Variants in ARPC1A observed in about 807,000 individuals in gnomAD.
The protein encoded by ARPC1A is actin related protein 2/3 complex subunit 1A, also known as actin-related protein 2/3 complex subunit 1A.
Under a neutral mutation model 46.9 loss-of-function variants are expected in ARPC1A, and 8 were observed. The observed-to-expected ratio is 0.17, with a 90% CI of 0.10 to 0.31. ARPC1A has a LOEUF of 0.31. ARPC1A is among the 10% of genes least tolerant of loss of function. The pLI is 1.00. For missense variants in ARPC1A, 286 were observed against 483.6 expected (o/e 0.59, Z 3.83); for synonymous variants, 152 against 169.0 (o/e 0.90, Z 0.78).
chr7:99,358,283 C>A (rs1289554778), intron 6 of ARPC1A, 57 bp from the exon 7 acceptor site: 2 of 1,537,158 alleles, frequency 1.3e-6, no homozygotes, highest in South Asian at 1.1e-5. Flanking sequence ...TCATCTGTGT[C>A]TGTAAAGAAG....
intron 5 of ARPC1A, among the ~76,000 whole-genome samples, chr7:99,350,760 C>T (rs1232119896): frequency 6.6e-6 from 1 of 151,020 alleles, no homozygotes; most frequent in Non-Finnish European, 1.5e-5. Context: ...ATCCTCCCAC[C>T]TCAGTCTCCT....
At chr7:99,338,057 A>G (rs2150861933) in intron 2 of ARPC1A, 124 bp from the exon 3 acceptor site, 3 of 599,116 alleles carry the variant, frequency 5.0e-6, no homozygotes, top group East Asian at 6.2e-5. Flanking sequence ...GAATTTGGGA[A>G]CTACTTTTTC....
chr7:99,359,466 C>A, intron 7 of ARPC1A, 79 bp from the exon 8 acceptor site: 1 of 1,400,906 alleles, frequency 7.1e-7, no homozygotes. Context: ...GTAAGAGAGG[C>A]CTGTCGTGGT....
At chr7:99,340,302 A>C (rs1320641303) in intron 3 of ARPC1A, among the ~76,000 whole-genome samples, 1 of 152,140 alleles carries the variant, frequency 6.6e-6, no homozygotes, top group Non-Finnish European at 1.5e-5. Flanking sequence ...TGCTGGGATT[A>C]CAGGTGCCTG....
At chr7:99,353,181 C>T (rs1793575338) in intron 5 of ARPC1A, among the ~76,000 whole-genome samples, 3 of 148,968 alleles carry the variant, frequency 2.0e-5, no homozygotes, top group Middle Eastern at 3.4e-3. Context: ...ATTTTAGAGA[C>T]GGTGTCTCGC....
At chr7:99,349,002 T>G (rs780169954) in intron 5 of ARPC1A, 43 bp downstream of exon 5, 7 of 1,514,008 alleles carry the variant, frequency 4.6e-6, no homozygotes, top group Non-Finnish European at 6.4e-6. Flanking sequence ...CGTGCATTCT[T>G]CATCCTTCAA....
intron 1 of ARPC1A, among the ~76,000 whole-genome samples, chr7:99,333,055 C>A (rs185366685): frequency 6.6e-6 from 1 of 152,178 alleles, no homozygotes; most frequent in East Asian, 1.9e-4. Flanking sequence ...TGCCACCACG[C>A]CCAGCTAATT....
chr7:99,361,506 CT>C (rs1430717230), intron 8 of ARPC1A, among the ~76,000 whole-genome samples: 1 of 150,912 alleles, frequency 6.6e-6, no homozygotes, highest in Non-Finnish European at 1.5e-5. Context: ...CAAAACTTAC[CT>C]TTTCTCCACA....
intron 5 of ARPC1A, among the ~76,000 whole-genome samples, chr7:99,350,138 G>A (rs1313195539): frequency 6.6e-6 from 1 of 152,172 alleles, no homozygotes; most frequent in Non-Finnish European, 1.5e-5. Flanking sequence ...TTGGAAGTGG[G>A]GTAGGAGGGA....
chr7:99,337,531 G>A (rs1793277010), intron 2 of ARPC1A, among the ~76,000 whole-genome samples: 1 of 152,166 alleles, frequency 6.6e-6, no homozygotes, highest in Non-Finnish European at 1.5e-5. Flanking sequence ...GGATTTGGGA[G>A]CATGTCAGAT....
At chr7:99,352,284 G>A (rs952456223) in intron 5 of ARPC1A, among the ~76,000 whole-genome samples, 12 of 152,166 alleles carry the variant, frequency 7.9e-5, no homozygotes, top group South Asian at 2.1e-4. Flanking sequence ...TGCAGTCCAT[G>A]AGGACAGGTC....
intron 9 of ARPC1A, among the ~76,000 whole-genome samples, chr7:99,364,885 G>A (rs1399664769): frequency 1.3e-5 from 2 of 152,132 alleles, no homozygotes; most frequent in Non-Finnish European, 1.5e-5. Flanking sequence ...TAGGGGATTC[G>A]GCAGAGCTCA....
intron 5 of ARPC1A, among the ~76,000 whole-genome samples, chr7:99,353,162 T>C (rs558954810): frequency 7.0e-6 from 1 of 142,886 alleles, no homozygotes; most frequent in African/African-American, 2.8e-5. Context: ...TGTTATGTTA[T>C]GTTATGTTAT....
At position 99,338,113 on chromosome 7, in the gene ARPC1A, T is replaced by C. The variant is rs546560513; in HGVS notation, c.65-68T>C. On this transcript the variant is annotated intron_variant, in intron 2 of 9. Transcript: ENST00000262942. ...CTATAGTCTGCTTTTAAAACAACTG[T>C]GACATGTCCCCTTTTTGGTGACAAT... 9.8e-4 allele frequency: 1,190 copies of C among 1,213,528 alleles called. 9 individuals are homozygous for C. The highest frequency in any genetic ancestry group is 7.7e-5 in the Non-Finnish European group (65 of 842,750). The allele number at this position is 1,213,528 out of a possible 1,614,324, so 75.2% of individuals were successfully genotyped here. A position where few individuals can be genotyped will look rare whatever the true frequency, so the allele number is the denominator to read the frequency against.
chr7:99,360,692 C>G (rs76572867), intron 8 of ARPC1A, among the ~76,000 whole-genome samples: 7,705 of 152,154 alleles, frequency 0.051, 511 homozygotes, highest in East Asian at 0.31. Context: ...TTAATCCCAG[C>G]ACTTTGGGAG....
At chr7:99,332,922 A>G (rs1210438589) in intron 1 of ARPC1A, among the ~76,000 whole-genome samples, 2 of 125,568 alleles carry the variant, frequency 1.6e-5, no homozygotes, top group African/African-American at 4.6e-5. Flanking sequence ...TTTGAGACAG[A>G]GTCTCGCTCT....
intron 8 of ARPC1A, among the ~76,000 whole-genome samples, chr7:99,362,009 G>C (rs562229361): frequency 6.6e-6 from 1 of 152,062 alleles, no homozygotes; most frequent in Non-Finnish European, 1.5e-5. Context: ...AAACGTAAAA[G>C]CCGGGTCAGG....
intron 3 of ARPC1A, among the ~76,000 whole-genome samples, chr7:99,338,605 C>T (rs1041056878): frequency 6.6e-5 from 10 of 151,734 alleles, no homozygotes; most frequent in African/African-American, 2.4e-4. Flanking sequence ...AAGCTGGTCT[C>T]GAACCCCTGA....
chr7:99,334,855 T>C (rs910287444), intron 2 of ARPC1A, among the ~76,000 whole-genome samples: 2 of 151,858 alleles, frequency 1.3e-5, no homozygotes, highest in African/African-American at 4.8e-5. Flanking sequence ...CTAATATTTT[T>C]TTTTTTGAGA....
Sources: gnomAD v4.1 joint callset for allele counts (sites outside exome capture counted in the v4.1 genomes callset) on GRCh38, gnomAD v4.1.1 for gene constraint, MANE v1.5 for transcripts, NCBI Gene and HGNC (gene_info 2026-07-23, HGNC 2026-07-21) for gene names.